SCN1A: variants seen among roughly 807,000 people sequenced by gnomAD.
SCN1A encodes sodium channel protein type 1 subunit alpha.
A neutral mutation model predicts 193.7 loss-of-function variants in SCN1A; 13 were observed. That is an observed-to-expected ratio of 0.07 (90% confidence interval 0.04 to 0.11). The LOEUF (loss-of-function observed/expected upper bound fraction) is 0.11, where lower values mean the gene tolerates loss of function less well. Ranked by LOEUF, SCN1A falls within the 10% of genes least tolerant of loss-of-function variation. The probability of loss-of-function intolerance (pLI) is 1.00; values close to 1 mark genes in which losing one functional copy is unlikely to be tolerated. For synonymous variants in SCN1A, 781 were observed against 843.6 expected, an observed-to-expected ratio of 0.93 and a Z score of 1.29; for missense variants, 1,432 against 2,451.1, an observed-to-expected ratio of 0.58 and a Z score of 8.78.
At chr2:166,039,653 G>C in intron 16 of SCN1A, 57 bp from the exon 17 acceptor site, 2 of 1,474,052 alleles carry the variant, frequency 1.4e-6, no homozygotes, top group Non-Finnish European at 1.9e-6. Flanking sequence ...CATGACATAA[G>C]ATTTGCTCTT....
chr2:166,055,237 C>A, intron 6 of SCN1A, among the ~76,000 whole-genome samples: 1 of 150,566 alleles, frequency 6.6e-6, no homozygotes. Flanking sequence ...GGAACAAGGA[C>A]TTCTTTAAAA....
chr2:166,098,369 C>G (rs1396396126), intron 2 of SCN1A, among the ~76,000 whole-genome samples: 1 of 152,060 alleles, frequency 6.6e-6, no homozygotes, highest in Non-Finnish European at 1.5e-5. Context: ...AGCATAAGAG[C>G]CATCTATAAC....
chr2:166,034,206 C>G (rs1696032254), intron 19 of SCN1A, among the ~76,000 whole-genome samples: 1 of 152,114 alleles, frequency 6.6e-6, no homozygotes, highest in Admixed American at 6.5e-5. Context: ...TTTCCCTTCT[C>G]TCATCAAACA....
rs1315974626 is a variant in SCN1A, at chr2:166,016,141, CAT to C, written c.3430-416_3430-415del. On this transcript the variant is annotated intron_variant, in intron 19 of 28. Transcript: ENST00000674923. ...TTCTGCAGTTTAATGTTTGACTTTA[CAT>C]ATTTCTTTAACAATGTCTTACCTGT... 3.5e-5 allele frequency: 8 copies of C among 228,254 alleles called. No individual in the cohort carries two copies. The East Asian group carries it at 9.1e-4, about 26-fold the overall frequency. 14.1% of individuals were successfully genotyped at this position (228,254 alleles called of 1,614,324 possible). A position where few individuals can be genotyped will look rare whatever the true frequency, so the allele number is the denominator to read the frequency against.
intron 2 of SCN1A, among the ~76,000 whole-genome samples, chr2:166,090,290 C>T (rs141371555): frequency 0.034 from 5,180 of 151,958 alleles, 316 homozygotes; most frequent in African/African-American, 0.12. Flanking sequence ...CTCAGCCTCC[C>T]AAATTGCTGG....
At chr2:165,999,069 G>T (rs771184686) in intron 25 of SCN1A, 1 of 151,420 alleles carries the variant, frequency 6.6e-6, no homozygotes, top group Non-Finnish European at 1.5e-5. Context: ...GAAGAGCAAA[G>T]TTGGAATGAG....
Position 166,056,435 on chromosome 2 carries a change from G to T in SCN1A, c.449C>A (p.Pro150His). The T allele has an allele frequency of 6.3e-7, 1 of 1,599,746 alleles. No homozygotes were observed. The highest frequency in any genetic ancestry group is 8.6e-7 in the Non-Finnish European group (1 of 1,167,202). The change falls in exon 6 of 29, where the codon CCT becomes CAT. Residue 150 changes from proline (P) to histidine (H), a missense_variant. By Grantham distance (77) the Pro-to-His change is moderately conservative (BLOSUM62 -2). Transcript: ENST00000674923. ...TNCVFMTMSN[P>H]PDWTKNVEYT... Reference sequence around the variant, plus strand: ...CTCTACATTCTTTGTCCAATCAGGAGGGTTACTCATTGTCATAAACACACA... The same window carrying T: ...CTCTACATTCTTTGTCCAATCAGGATGGTTACTCATTGTCATAAACACACA...
intron 2 of SCN1A, among the ~76,000 whole-genome samples, chr2:166,124,968 CAATT>C (rs1426361087): frequency 2.6e-5 from 4 of 152,060 alleles, no homozygotes; most frequent in Non-Finnish European, 4.4e-5. Context: ...ATAAATAAAA[CAATT>C]AATAAATGGA....
At chr2:166,070,609 T>A (rs937294725) in intron 4 of SCN1A, among the ~76,000 whole-genome samples, 1 of 152,142 alleles carries the variant, frequency 6.6e-6, no homozygotes, top group African/African-American at 2.4e-5. Context: ...TTAAGATGTT[T>A]CTTTTGAGTA....
At chr2:166,062,084 G>A (rs1316223439) in intron 4 of SCN1A, among the ~76,000 whole-genome samples, 1 of 152,104 alleles carries the variant, frequency 6.6e-6, no homozygotes, top group Non-Finnish European at 1.5e-5. Context: ...AAGACATACT[G>A]TTGTGCAAGA....
At chr2:166,032,746 G>T (rs1475947861) in intron 19 of SCN1A, among the ~76,000 whole-genome samples, 1 of 152,106 alleles carries the variant, frequency 6.6e-6, no homozygotes, top group Non-Finnish European at 1.5e-5. Context: ...AGATACAACT[G>T]CATTTCAACA....
At chr2:166,136,321 T>C (rs1691856220) in intron 1 of SCN1A, among the ~76,000 whole-genome samples, 1 of 152,136 alleles carries the variant, frequency 6.6e-6, no homozygotes, top group African/African-American at 2.4e-5. Flanking sequence ...TAAGCAAACA[T>C]AGAATGTGGA....
intron 2 of SCN1A, among the ~76,000 whole-genome samples, chr2:166,098,647 A>T (rs1056483745): frequency 1.3e-5 from 2 of 152,210 alleles, no homozygotes; most frequent in East Asian, 3.9e-4. Context: ...GATCAAATAA[A>T]CAACTTCAGG....
intron 4 of SCN1A, among the ~76,000 whole-genome samples, chr2:166,070,582 G>A (rs1353615677): frequency 1.3e-5 from 2 of 152,112 alleles, no homozygotes; most frequent in East Asian, 3.8e-4. Context: ...ATCAGAGTTG[G>A]CCTTTCACCC....
chr2:166,039,447 T>C lies in SCN1A; in HGVS notation c.2565A>G (p.Leu855=). The change falls in exon 17 of 29, where the codon TTA becomes TTG. Residue 855 remains leucine (L), a synonymous_variant. Transcript: ENST00000674923. ...CCAATCGAAATGAACGGAGAACAGA[T>C]AATCCTTCCACATTGGCGAGTCCAA... ...VELGLANVEG[L]SVLRSFRLLR... 6.2e-7 allele frequency: 1 copy of C among 1,607,782 alleles called. No individual in the cohort carries two copies. The highest frequency in any genetic ancestry group is 8.5e-7 in the Non-Finnish European group (1 of 1,175,768).
chr2:166,145,528 TTGTGTG>T (rs10659996), intron 1 of SCN1A, among the ~76,000 whole-genome samples: 1 of 150,302 alleles, frequency 6.7e-6, no homozygotes, highest in Non-Finnish European at 1.5e-5. Flanking sequence ...GGAGAAAAAT[TTGTGTG>T]TGTGTGTGTG....
rs1406361677 is a variant in SCN1A, at chr2:166,038,150, AATATAT to A, written c.2590-24_2590-19del. 13 of 1,556,702 alleles carry A rather than the reference AATATAT, an allele frequency of 8.4e-6. No individual in the cohort carries two copies. Among genetic ancestry groups the A allele is most frequent in the Non-Finnish European group, 1.1e-5 (13 of 1,133,600 alleles). On this transcript the variant is annotated intron_variant, in intron 17 of 28. Transcript: ENST00000674923. ...ACTCGCAGCTGGAAAATGAAAGATT[AATATAT>A]ATTTGTATGATTCTTAAAAGCATTA...
At chr2:166,099,088 C>G (rs148883419) in intron 2 of SCN1A, among the ~76,000 whole-genome samples, 1 of 152,268 alleles carries the variant, frequency 6.6e-6, no homozygotes, top group African/African-American at 2.4e-5. Context: ...TCTGAGGCAT[C>G]ACACCACCCA....
At chr2:166,002,826 A>T in intron 23 of SCN1A, 73 bp from the exon 24 acceptor site, 1 of 1,242,034 alleles carries the variant, frequency 8.1e-7, no homozygotes, top group Admixed American at 2.6e-5. Context: ...TCCCCTAGTA[A>T]TCTCTGGTCT....
Sources: gnomAD v4.1 joint callset for allele counts (sites outside exome capture counted in the v4.1 genomes callset) on GRCh38, gnomAD v4.1.1 for gene constraint, MANE v1.5 for transcripts, NCBI Gene and HGNC (gene_info 2026-07-23, HGNC 2026-07-21) for gene names.